Variants in DCDC2 observed in about 807,000 individuals in gnomAD.
The protein encoded by DCDC2 is doublecortin domain-containing protein 2.
DCDC2 carries 40 observed loss-of-function variants against 50.2 expected under a neutral mutation model. The ratio of observed to expected loss-of-function variants is 0.80; its 90% CI spans 0.62 to 1.04. The LOEUF (loss-of-function observed/expected upper bound fraction) is 1.04, where lower values mean the gene tolerates loss of function less well. Among genes scored for constraint, DCDC2 ranks in the 50% least tolerant of loss-of-function variants. The pLI is 0.00. For synonymous variants in DCDC2, 234 were observed against 210.6 expected (o/e 1.11, Z -0.96); for missense variants, 570 against 581.9 (o/e 0.98, Z 0.21).
intron 8 of DCDC2, among the ~76,000 whole-genome samples, chr6:24,193,274 A>G (rs373156943): frequency 2.0e-5 from 3 of 152,266 alleles, no homozygotes; most frequent in East Asian, 1.9e-4. Context: ...TGAAGGTGTA[A>G]CCAAGATAGA....
chr6:24,298,381 T>C lies in DCDC2; in HGVS notation c.557+3334A>G, dbSNP rs117055998. On this transcript the variant is annotated intron_variant, in intron 4 of 9. Transcript: ENST00000378454. ...CAATAAGATAAACGTGCAAAGGCCA[T>C]GACAGACAGTTCAGATACAATGGAT... Among the ~76,000 whole-genome samples the C allele has an allele frequency of 4.4e-4, 67 of 152,336 alleles. 1 individual carries two copies. In the East Asian group the frequency reaches 0.012, roughly 28 times the overall value.
chr6:24,313,696 G>A (rs1290287192), intron 2 of DCDC2, among the ~76,000 whole-genome samples: 1 of 152,214 alleles, frequency 6.6e-6, no homozygotes, highest in Non-Finnish European at 1.5e-5. Context: ...ATTCCCACTG[G>A]AGAATGTGCC....
At chr6:24,256,196 A>G (rs1762893984) in intron 7 of DCDC2, among the ~76,000 whole-genome samples, 1 of 152,076 alleles carries the variant, frequency 6.6e-6, no homozygotes, top group African/African-American at 2.4e-5. Flanking sequence ...ATGAAGATAG[A>G]AGTCAGAATC....
chr6:24,375,301 G>T, the DCDC2 span, among the ~76,000 whole-genome samples: 4 of 152,090 alleles, frequency 2.6e-5, no homozygotes, highest in Admixed American at 2.0e-4. Context: ...TCCCGAGAGG[G>T]ATCTCTTGCT....
intron 2 of DCDC2, among the ~76,000 whole-genome samples, chr6:24,322,199 T>C (rs371632185): frequency 1.3e-5 from 2 of 152,198 alleles, no homozygotes; most frequent in East Asian, 3.9e-4. Flanking sequence ...CATAATTTCC[T>C]GGTATTTTTG....
chr6:24,239,561 T>C (rs191454332), intron 7 of DCDC2, among the ~76,000 whole-genome samples: 131 of 152,276 alleles, frequency 8.6e-4, no homozygotes, highest in Non-Finnish European at 1.6e-3. Flanking sequence ...CCCTGCCACA[T>C]TAGGTCCAGG....
intron 7 of DCDC2, among the ~76,000 whole-genome samples, chr6:24,261,203 G>GC (rs1581617844): frequency 1.6e-5 from 1 of 63,348 alleles, no homozygotes; most frequent in Non-Finnish European, 3.7e-5. Context: ...CCATTTTCTT[G>GC]CTTTTTTTTT....
chr6:24,314,443 T>C (rs1014730258), intron 2 of DCDC2, among the ~76,000 whole-genome samples: 10 of 151,912 alleles, frequency 6.6e-5, no homozygotes, highest in Admixed American at 3.9e-4. Flanking sequence ...ACTCTATATA[T>C]TCCAGTCTGG....
At position 24,216,956 on chromosome 6, in the gene DCDC2, C is replaced by T. The variant is rs538956874; in HGVS notation, c.923-11854G>A. 3.5e-4 allele frequency among the ~76,000 whole-genome samples: 54 copies of T among 152,208 alleles called. No individual in the cohort carries two copies. The Middle Eastern group carries it at 0.021, about 58-fold the overall frequency. ...ATCCATTGCAGGAGGTCAGGGGCTG[C>T]GAGGAAGTAGAAGAAAGTGAGAAAC... On this transcript the variant is annotated intron_variant, in intron 7 of 9. Transcript: ENST00000378454.
At chr6:24,239,104 T>C (rs886441449) in intron 7 of DCDC2, among the ~76,000 whole-genome samples, 11 of 152,208 alleles carry the variant, frequency 7.2e-5, no homozygotes, top group Non-Finnish European at 1.5e-4. Flanking sequence ...ACAAGAGTAT[T>C]TTCAAACATG....
upstream of DCDC2, among the ~76,000 whole-genome samples, chr6:24,358,872 ATATG>A (rs1416655903): frequency 1.4e-4 from 3 of 22,020 alleles, no homozygotes; most frequent in Non-Finnish European, 2.0e-4. Context: ...TATATAATAT[ATATG>A]TATTATATAT....
intron 4 of DCDC2, among the ~76,000 whole-genome samples, chr6:24,298,902 T>C (rs1030802805): frequency 2.0e-5 from 3 of 152,256 alleles, no homozygotes; most frequent in Non-Finnish European, 4.4e-5. Flanking sequence ...ATTCAACTTC[T>C]AGACTTTTAT....
chr6:24,382,383 T>C, the DCDC2 span, among the ~76,000 whole-genome samples: 1 of 152,128 alleles, frequency 6.6e-6, no homozygotes. Context: ...AAAAATTTCA[T>C]GTACATTAGT....
At chr6:24,193,485 T>C (rs1156294667) in intron 8 of DCDC2, among the ~76,000 whole-genome samples, 2 of 152,212 alleles carry the variant, frequency 1.3e-5, no homozygotes, top group Admixed American at 1.3e-4. Context: ...TATGTGAATG[T>C]ATCAAGAGGA....
At chr6:24,294,041 A>C (rs1379672236) in intron 4 of DCDC2, among the ~76,000 whole-genome samples, 1 of 152,214 alleles carries the variant, frequency 6.6e-6, no homozygotes, top group African/African-American at 2.4e-5. Flanking sequence ...GTTAAGAGGA[A>C]AATTTATAGC....
chr6:24,327,453 C>CTTAT lies in DCDC2; in HGVS notation c.349-25413_349-25410dup, dbSNP rs58552034. On this transcript the variant is annotated intron_variant, in intron 2 of 9. Transcript: ENST00000378454. ...ACTTTTAGTCAATCAACATTATAAA[C>CTTAT]TTATTTATTTATTTATTTATTTATT... Among the ~76,000 whole-genome samples, 955 of 136,642 alleles carry CTTAT rather than the reference C, an allele frequency of 7.0e-3. 24 individuals are homozygous for CTTAT. The highest frequency in any genetic ancestry group is 0.02 in the African/African-American group (730 of 37,392). 89.6% of individuals were successfully genotyped at this position (136,642 alleles called of 152,430 possible). A position where few individuals can be genotyped will look rare whatever the true frequency, so the allele number is the denominator to read the frequency against.
At chr6:24,261,962 C>A (rs369774705) in intron 7 of DCDC2, among the ~76,000 whole-genome samples, 4 of 152,056 alleles carry the variant, frequency 2.6e-5, no homozygotes, top group African/African-American at 4.8e-5. Flanking sequence ...TGTCCACCCC[C>A]CAACAGGAAT....
chr6:24,373,769 T>A, the DCDC2 span, among the ~76,000 whole-genome samples: 49 of 152,238 alleles, frequency 3.2e-4, 1 homozygote, highest in Admixed American at 1.3e-3. Flanking sequence ...TTACAAATAT[T>A]CCTGTTACGT....
chr6:24,261,962 C>G (rs369774705), intron 7 of DCDC2, among the ~76,000 whole-genome samples: 135 of 152,174 alleles, frequency 8.9e-4, no homozygotes, highest in African/African-American at 1.7e-3. Flanking sequence ...TGTCCACCCC[C>G]CAACAGGAAT....
Sources: gnomAD v4.1 joint callset for allele counts (sites outside exome capture counted in the v4.1 genomes callset) on GRCh38, gnomAD v4.1.1 for gene constraint, MANE v1.5 for transcripts, NCBI Gene and HGNC (gene_info 2026-07-23, HGNC 2026-07-21) for gene names.